ACTN3: variants seen among roughly 807,000 people sequenced by gnomAD.
The protein encoded by ACTN3 is alpha-actinin-3.
Under a neutral mutation model 119.6 loss-of-function variants are expected in ACTN3, and 91 were observed. The observed-to-expected ratio is 0.76, with a 90% CI of 0.64 to 0.91. The LOEUF is 0.91. Among genes scored for constraint, ACTN3 ranks in the 40% least tolerant of loss-of-function variants. The probability of loss-of-function intolerance (pLI) is 0.00; values close to 1 mark genes in which losing one functional copy is unlikely to be tolerated. For missense variants in ACTN3, 1,221 were observed against 1,215.1 expected (o/e 1.00, Z -0.07); for synonymous variants, 456 against 478.8 (o/e 0.95, Z 0.62).
chr11:66,561,982 C>T lies in ACTN3; in HGVS notation c.2176-40C>T, dbSNP rs374555219. 1.1e-5 allele frequency: 18 copies of T among 1,569,744 alleles called. No homozygotes were observed. In the African/African-American group the frequency reaches 2.3e-4, roughly 20 times the overall value. On this transcript the variant is annotated intron_variant, in intron 17 of 20. Coordinates refer to ENST00000513398, the MANE Select transcript of ACTN3 (RefSeq NM_001104.4). The stretch of plus-strand genomic sequence containing the variant: ...TGGAGCTAGAGCCAGTGGCCAGGCA[C>T]TGGCCGCCCACTGACAGTGGCCTGT...
At chr11:66,546,575 G>C (rs1044922806), upstream of ACTN3, 1 of 1,535,634 alleles carries the variant, frequency 6.5e-7, no homozygotes, top group South Asian at 1.2e-5. Context: ...AGCTCCAGAG[G>C]GCAGCCTCTA....
At chr11:66,552,503 G>A (rs140194286) in intron 3 of ACTN3, among the ~76,000 whole-genome samples, 1 of 152,342 alleles carries the variant, frequency 6.6e-6, no homozygotes, top group Non-Finnish European at 1.5e-5. Flanking sequence ...CTACTTGGCA[G>A]ACTGAAGCGG....
intron 19 of ACTN3, 127 bp from the exon 20 acceptor site, chr11:66,562,669 G>A: frequency 9.1e-7 from 1 of 1,100,208 alleles, no homozygotes; most frequent in Non-Finnish European, 1.3e-6. Flanking sequence ...TAAGGTCTCT[G>A]GAGGAAGGGA....
chr11:66,559,312 C>A lies in ACTN3; in HGVS notation c.1353C>A (p.His451Gln). 1 of 1,576,500 alleles carries A rather than the reference C, an allele frequency of 6.3e-7. No individual in the cohort carries two copies. Among genetic ancestry groups the A allele is most frequent in the Non-Finnish European group, 8.6e-7 (1 of 1,163,748 alleles). The change falls in exon 12 of 21, where the codon CAC becomes CAA. Residue 451 changes from histidine to glutamine, a missense_variant. His to Gln is a conservative substitution (Grantham distance 24). Transcript: ENST00000513398. ...AGGTGCGGGCGTTGCTGCGGCGCCA[C>A]GAGGCCTTTGAGAGCGACCTGGCGG... ...LQEVRALLRR[H>Q]EAFESDLAAH...
chr11:66,546,785 A>G, upstream of ACTN3: 3 of 1,532,488 alleles, frequency 2.0e-6, no homozygotes, highest in African/African-American at 1.4e-5. Context: ...ACCCCTTGCC[A>G]GGTCCAACCC....
intron 8 of ACTN3, among the ~76,000 whole-genome samples, 182 bp downstream of exon 8, chr11:66,556,412 G>T (rs1174262012): frequency 6.6e-6 from 1 of 152,146 alleles, no homozygotes; most frequent in African/African-American, 2.4e-5. Context: ...CCTAAGAGCC[G>T]TGCTCCCCCA....
chr11:66,549,922 T>C (rs1857438621), intron 1 of ACTN3, among the ~76,000 whole-genome samples: 1 of 152,134 alleles, frequency 6.6e-6, no homozygotes, highest in Non-Finnish European at 1.5e-5. Flanking sequence ...CCTCCAGTGA[T>C]GGGAAGCTCA....
rs267603128 is a variant in ACTN3 at position 66,555,357 on chromosome 11, G to A, written c.708G>A (p.Leu236=). ...AEKYLDIPKM[L]DAEDIVNTPK... ...AATACCTGGACATCCCCAAGATGTTGGATGCAGAAGGTGAGAGTGAGCTAG... is the reference window on the plus strand; with the variant it reads ...AATACCTGGACATCCCCAAGATGTTAGATGCAGAAGGTGAGAGTGAGCTAG... The change falls in exon 7 of 21, where the codon TTG becomes TTA. Residue 236 remains leucine, a synonymous_variant. Transcript: ENST00000513398. 1.2e-6 allele frequency: 2 copies of A among 1,613,924 alleles called. No individual in the cohort carries two copies. Among genetic ancestry groups the A allele is most frequent in the African/African-American group, 2.7e-5 (2 of 74,884 alleles).
At chr11:66,550,304 C>T (rs548576055) in intron 1 of ACTN3, among the ~76,000 whole-genome samples, 32 of 152,300 alleles carry the variant, frequency 2.1e-4, no homozygotes, top group African/African-American at 7.7e-4. Context: ...AGGCAGAATT[C>T]AGGACCTGAA....
At chr11:66,554,690 C>A in intron 5 of ACTN3, 67 bp downstream of exon 5, 1 of 1,357,310 alleles carries the variant, frequency 7.4e-7, no homozygotes, top group Non-Finnish European at 1.0e-6. Flanking sequence ...AGGAGCCCTC[C>A]CTGGTCAGTG....
In ACTN3 at chr11:66,551,602, T is replaced by C. The variant is rs752752198; in HGVS notation, c.337T>C (p.Phe113Leu). The change falls in exon 3 of 21, where the codon TTC (phenylalanine) becomes CTC (leucine). Residue 113 changes from phenylalanine to leucine, a missense_variant. Phe to Leu is a conservative substitution (Grantham distance 22, BLOSUM62 0). Around this residue, in one of 3 missense-constraint regions of ACTN3, gnomAD observed 239 missense variants for 231.8 expected, o/e 1.03. Coordinates refer to ENST00000513398, the MANE Select transcript of ACTN3 (RefSeq NM_001104.4). ...KIANVNKALDFIASKGVKLVS... is the reference protein window; with the variant it reads ...KIANVNKALDLIASKGVKLVS... ...CGCCAACGTTAACAAGGCCCTGGAC[T>C]TCATTGCCAGCAAGGGGGTTAAACT... 2 of 1,614,070 alleles carry C rather than the reference T, an allele frequency of 1.2e-6. No individual in the cohort carries two copies. Among genetic ancestry groups the C allele is most frequent in the Non-Finnish European group, 8.5e-7 (1 of 1,180,044 alleles).
In ACTN3 at chr11:66,559,394, G is replaced by A; in HGVS notation, c.1427+8G>A. The A allele has an allele frequency of 2.0e-6, 3 of 1,487,052 alleles. No homozygotes were observed. Among genetic ancestry groups the A allele is most frequent in the Non-Finnish European group, 1.8e-6 (2 of 1,125,858 alleles). The allele number at this position is 1,487,052 out of a possible 1,614,324, so 92.1% of individuals were successfully genotyped here. On this transcript the variant is annotated splice_region_variant and intron_variant, in intron 12 of 20. Transcript: ENST00000513398. ...GCTGGCCCAGGAGCTCAAGTAGGCG[G>A]GGCCTCGCGGGGCCCGCCCCCAACA...
At chr11:66,552,377 AAAAAG>A (rs1857491485) in intron 3 of ACTN3, among the ~76,000 whole-genome samples, 2 of 151,890 alleles carry the variant, frequency 1.3e-5, no homozygotes, top group East Asian at 2.0e-4. Context: ...CTCAAAAAAA[AAAAAG>A]AAAGAAAAGC....
Position 66,551,613 on chromosome 11 carries a change from C to T in ACTN3, c.348C>T (p.Ser116=), listed in dbSNP as rs1248965969. 6.2e-7 allele frequency: 1 copy of T among 1,613,922 alleles called. No individual in the cohort carries two copies. Among genetic ancestry groups the T allele is most frequent in the Non-Finnish European group, 8.5e-7 (1 of 1,180,034 alleles). ...NVNKALDFIA[S]KGVKLVSIGA... is the part of the protein sequence containing the mutation. ...ACAAGGCCCTGGACTTCATTGCCAG[C>T]AAGGGGGTTAAACTGGTGTCCATTG... is the stretch of plus-strand genomic sequence containing the variant. Residue 116 remains serine, a synonymous_variant, in exon 3 of 21, where the codon AGC becomes AGT. Coordinates refer to ENST00000513398, the MANE Select transcript of ACTN3 (RefSeq NM_001104.4).
chr11:66,559,385 A>G lies in ACTN3; in HGVS notation c.1426A>G (p.Asn476Asp). 1 of 1,526,082 alleles carries G rather than the reference A, an allele frequency of 6.6e-7. No homozygotes were observed. The highest frequency in any genetic ancestry group is 8.7e-7 in the Non-Finnish European group (1 of 1,144,292). The allele number at this position is 1,526,082 out of a possible 1,614,324, so 94.5% of individuals were successfully genotyped here. Residue 476 changes from asparagine to aspartate, a missense_variant and splice_region_variant, in exon 12 of 21, where the codon AAT (asparagine) becomes GAT (aspartate). By Grantham distance (23) the Asn-to-Asp change is conservative (BLOSUM62 1). This residue lies in a region of ACTN3 where 934 missense variants were observed against 899.9 expected (regional missense o/e 1.04). Transcript: ENST00000513398. Reference protein sequence around the residue: ...EHIAALAQELNELDYHEAASV... With the variant: ...EHIAALAQELDELDYHEAASV... Reference sequence around the variant, plus strand: ...CATTGCCGCGCTGGCCCAGGAGCTCAAGTAGGCGGGGCCTCGCGGGGCCCG... The same window carrying G: ...CATTGCCGCGCTGGCCCAGGAGCTCGAGTAGGCGGGGCCTCGCGGGGCCCG...
intron 11 of ACTN3, chr11:66,558,960 C>T (rs12284262): frequency 8.6e-4 from 299 of 348,598 alleles, no homozygotes; most frequent in African/African-American, 6.1e-3. Flanking sequence ...GTTACAGAAT[C>T]GTTGAGAGCT....
intron 11 of ACTN3, chr11:66,558,885 C>T (rs1857665202): frequency 4.2e-6 from 1 of 240,848 alleles, no homozygotes; most frequent in African/African-American, 2.2e-5. Flanking sequence ...ATAGAAACAT[C>T]CATTCATTGT....
intron 11 of ACTN3, among the ~76,000 whole-genome samples, chr11:66,558,609 C>G (rs984745804): frequency 6.6e-6 from 1 of 152,124 alleles, no homozygotes; most frequent in African/African-American, 2.4e-5. Flanking sequence ...CTCGAGTGAT[C>G]CACCCACCTC....
Position 66,552,511 on chromosome 11 carries a change from C to T in ACTN3, c.382+864C>T, listed in dbSNP as rs569624042. On this transcript the variant is annotated intron_variant, in intron 3 of 20. Transcript: ENST00000513398. ...GTCTCAGCTACTTGGCAGACTGAAG[C>T]GGAAGGATTGTTTGAGCCCGGGAAT... is the stretch of plus-strand genomic sequence containing the variant. 2.0e-5 allele frequency among the ~76,000 whole-genome samples: 3 copies of T among 152,234 alleles called. No homozygotes were observed. The South Asian group carries it at 6.2e-4, about 32-fold the overall frequency.
Sources: allele counts gnomAD v4.1 joint callset (sites outside exome capture counted in the v4.1 genomes callset), GRCh38; gene constraint gnomAD v4.1.1; regional missense constraint gnomAD v4.1.1; transcripts MANE v1.5; gene names NCBI Gene and HGNC (gene_info 2026-07-23, HGNC 2026-07-21).